MPRIP: variants seen among roughly 807,000 people sequenced by gnomAD.
MPRIP encodes the protein myosin phosphatase Rho interacting protein.
Under a neutral mutation model 234.9 loss-of-function variants are expected in MPRIP, and 59 were observed. The observed-to-expected ratio is 0.25, with a 90% CI of 0.20 to 0.31. The LOEUF (loss-of-function observed/expected upper bound fraction) is 0.31. Among genes scored for constraint, MPRIP ranks in the 10% least tolerant of loss-of-function variants. The pLI, the probability that MPRIP is intolerant of heterozygous loss-of-function variation, is 1.00. For missense variants in MPRIP, 2,436 were observed against 3,071.0 expected (o/e 0.79, Z 4.89); for synonymous variants, 1,144 against 1,263.9 (o/e 0.91, Z 2.01).
At chr17:17,086,677 T>A (rs2089598427) in intron 3 of MPRIP, among the ~76,000 whole-genome samples, 1 of 152,184 alleles carries the variant, frequency 6.6e-6, no homozygotes, top group South Asian at 2.1e-4. Flanking sequence ...ATGGAAACGC[T>A]TCCTAAGTGC....
At chr17:17,058,311 A>AG (rs1480459996) in intron 1 of MPRIP, among the ~76,000 whole-genome samples, 1 of 151,946 alleles carries the variant, frequency 6.6e-6, no homozygotes, top group Non-Finnish European at 1.5e-5. Context: ...GGACCCAGGG[A>AG]GGGGATCTAA....
chr17:17,158,219 C>G (rs1035606772), intron 13 of MPRIP, among the ~76,000 whole-genome samples: 1 of 152,172 alleles, frequency 6.6e-6, no homozygotes, highest in Non-Finnish European at 1.5e-5. Flanking sequence ...CCCCGTCCCC[C>G]TCCCCCTCCC....
At chr17:17,119,231 C>G (rs1414649084) in intron 3 of MPRIP, among the ~76,000 whole-genome samples, 21 of 152,240 alleles carry the variant, frequency 1.4e-4, no homozygotes, top group Non-Finnish European at 2.2e-4. Context: ...ACCATGTCTG[C>G]AGCACAGCCC....
At chr17:17,146,119 C>T (rs762768410) in intron 10 of MPRIP, 27 bp downstream of exon 10, 1 of 1,609,162 alleles carries the variant, frequency 6.2e-7, no homozygotes, top group Non-Finnish European at 8.5e-7. Context: ...GCCGTGGCCC[C>T]TGAGGGATCT....
intron 1 of MPRIP, among the ~76,000 whole-genome samples, chr17:17,057,068 C>T (rs752676642): frequency 6.6e-6 from 1 of 152,226 alleles, no homozygotes; most frequent in Non-Finnish European, 1.5e-5. Flanking sequence ...CTCCTTTCAG[C>T]GGACCCCAGG....
intron 9 of MPRIP, among the ~76,000 whole-genome samples, chr17:17,144,070 C>G (rs2045402041): frequency 6.6e-6 from 1 of 152,242 alleles, no homozygotes; most frequent in Non-Finnish European, 1.5e-5. Flanking sequence ...TGTCATGCCT[C>G]AAGTGGAAGA....
intron 1 of MPRIP, among the ~76,000 whole-genome samples, chr17:17,047,687 G>A (rs1264612353): frequency 6.6e-6 from 1 of 152,294 alleles, no homozygotes; most frequent in African/African-American, 2.4e-5. Flanking sequence ...GGAACCTGGG[G>A]TAGTTAGAAG....
chr17:17,098,155 T>C (rs1381132200), intron 3 of MPRIP, among the ~76,000 whole-genome samples: 4 of 152,146 alleles, frequency 2.6e-5, no homozygotes, highest in Non-Finnish European at 2.9e-5. Context: ...TTCACGCACC[T>C]TTTGATAAGC....
rs2046447585 is a variant in MPRIP at position 17,184,980 on chromosome 17, T to TATC, written c.*88_*89insCAT. The TATC allele has an allele frequency of 1.5e-6, 1 of 672,572 alleles. No homozygotes were observed. Among genetic ancestry groups the TATC allele is most frequent in the South Asian group, 1.7e-5 (1 of 59,076 alleles). 41.7% of individuals were successfully genotyped at this position (672,572 alleles called of 1,614,324 possible). A position where few individuals can be genotyped will look rare whatever the true frequency, so the allele number is the denominator to read the frequency against. On this transcript the variant is annotated 3_prime_UTR_variant, in exon 24 of 24. Coordinates refer to ENST00000651222, the MANE Select transcript of MPRIP (RefSeq NM_001364716.4). The stretch of plus-strand genomic sequence containing the variant: ...CTGCTTTTCACCTGTACCTTTGTTT[T>TATC]ATTATTATTATTATTATTGCTGTTG...
At chr17:17,174,578 T>G (rs1272838210) in intron 19 of MPRIP, among the ~76,000 whole-genome samples, 2 of 152,220 alleles carry the variant, frequency 1.3e-5, no homozygotes. Flanking sequence ...GGCTCACGCC[T>G]GTAATCCCAG....
At chr17:17,106,450 A>G (rs2090064563) in intron 3 of MPRIP, among the ~76,000 whole-genome samples, 1 of 152,224 alleles carries the variant, frequency 6.6e-6, no homozygotes, top group Non-Finnish European at 1.5e-5. Flanking sequence ...CCACCACTTC[A>G]GAGAGAGGGC....
intron 15 of MPRIP, 88 bp downstream of exon 15, chr17:17,161,444 A>C: frequency 2.2e-6 from 2 of 889,890 alleles, no homozygotes; most frequent in Non-Finnish European, 3.1e-6. Context: ...GAGTGTGCAA[A>C]ACTTGGCTGA....
At position 17,189,229 on chromosome 17, in the gene MPRIP, T is replaced by G. The variant is rs1298879124; in HGVS notation, c.*4335T>G. 2 of 152,374 alleles carry G rather than the reference T, an allele frequency of 1.3e-5. No individual in the cohort carries two copies. The highest frequency in any genetic ancestry group is 4.8e-5 in the African/African-American group (2 of 41,420). The allele number at this position is 152,374 out of a possible 1,614,324, so 9.4% of individuals were successfully genotyped here. A position where few individuals can be genotyped will look rare whatever the true frequency, so the allele number is the denominator to read the frequency against. Reference sequence around the variant, plus strand: ...TTCAAGACAGAGTCTCGCTCTGTTGTCCAGGCTGGAGTGTAGTGGCATGAT... The same window carrying G: ...TTCAAGACAGAGTCTCGCTCTGTTGGCCAGGCTGGAGTGTAGTGGCATGAT... On this transcript the variant is annotated 3_prime_UTR_variant, in exon 24 of 24. Transcript: ENST00000651222.
In MPRIP at chr17:17,112,766, C is replaced by T. The variant is rs370509606; in HGVS notation, c.268-13936C>T. 1.8e-4 allele frequency among the ~76,000 whole-genome samples: 27 copies of T among 152,328 alleles called. 1 individual carries two copies. In the South Asian group the frequency reaches 5.2e-3, roughly 29 times the overall value. ...GTGCCACTGGACAAAGGTGTTTCAG[C>T]GCAGCCGGTGGCGTTGAGGGGGAGG... On this transcript the variant is annotated intron_variant, in intron 3 of 23. Transcript: ENST00000651222.
intron 1 of MPRIP, among the ~76,000 whole-genome samples, chr17:17,057,381 C>T (rs1366310097): frequency 6.6e-6 from 1 of 152,212 alleles, no homozygotes; most frequent in African/African-American, 2.4e-5. Flanking sequence ...ACCTGAAGAT[C>T]ATCTGACTGC....
chr17:17,136,165 A>C, intron 5 of MPRIP, 54 bp from the exon 6 acceptor site: 1 of 1,607,768 alleles, frequency 6.2e-7, no homozygotes, highest in African/African-American at 1.3e-5. Context: ...CCTGTGACCC[A>C]ACCTGAGCTG....
chr17:17,119,282 C>T (rs902572673), intron 3 of MPRIP, among the ~76,000 whole-genome samples: 5 of 152,256 alleles, frequency 3.3e-5, no homozygotes, highest in Non-Finnish European at 5.9e-5. Context: ...CCTGCCTGGG[C>T]GCTGCCTAAT....
At chr17:17,147,835 T>C (rs1271704009) in intron 11 of MPRIP, among the ~76,000 whole-genome samples, 1 of 152,178 alleles carries the variant, frequency 6.6e-6, no homozygotes, top group African/African-American at 2.4e-5. Flanking sequence ...CAGGATAGGA[T>C]AGATGAGCTT....
chr17:17,133,765 A>G (rs1252084560), intron 5 of MPRIP, among the ~76,000 whole-genome samples: 2 of 152,188 alleles, frequency 1.3e-5, no homozygotes, highest in African/African-American at 2.4e-5. Context: ...GGGAGTCTCA[A>G]TAGAGTCTAG....
Sources: gnomAD v4.1 joint callset for allele counts (sites outside exome capture counted in the v4.1 genomes callset) on GRCh38, gnomAD v4.1.1 for gene constraint, MANE v1.5 for transcripts, NCBI Gene and HGNC (gene_info 2026-07-23, HGNC 2026-07-21) for gene names.